The following CELF4 variants were observed in gnomAD, a reference collection of about 807,000 sequenced individuals.
CELF4 encodes CUGBP Elav-like family member 4.
CELF4 carries 18 observed loss-of-function variants against 59.9 expected under a neutral mutation model. The observed-to-expected ratio is 0.30, with a 90% CI of 0.21 to 0.45. The LOEUF is 0.45. Ranked by LOEUF, CELF4 falls within the 20% of genes least tolerant of loss-of-function variation. The pLI, the probability that CELF4 is intolerant of heterozygous loss-of-function variation, is 1.00. For synonymous variants in CELF4, 261 were observed against 267.1 expected, an observed-to-expected ratio of 0.98 and a Z score of 0.22; for missense variants, 456 against 689.0, an observed-to-expected ratio of 0.66 and a Z score of 3.79.
chr18:37,464,300 G>A (rs187355322), intron 2 of CELF4, among the ~76,000 whole-genome samples: 207 of 152,282 alleles, frequency 1.4e-3, no homozygotes, highest in Non-Finnish European at 2.0e-3. Flanking sequence ...TGAGTGAAAT[G>A]TAGATCGCAT....
chr18:37,525,972 C>T (rs555459475), intron 1 of CELF4, among the ~76,000 whole-genome samples: 18 of 152,238 alleles, frequency 1.2e-4, no homozygotes, highest in African/African-American at 4.3e-4. Context: ...GAATCAGAAA[C>T]TCTGGGGTGG....
chr18:37,423,087 CAG>C (rs138618926), intron 2 of CELF4, among the ~76,000 whole-genome samples: 110 of 149,626 alleles, frequency 7.4e-4, no homozygotes, highest in Middle Eastern at 6.8e-3. Context: ...CACACAGAGA[CAG>C]AGAGAGAGAG....
intron 2 of CELF4, among the ~76,000 whole-genome samples, chr18:37,464,767 G>C (rs1323819923): frequency 6.6e-6 from 1 of 152,198 alleles, no homozygotes; most frequent in Non-Finnish European, 1.5e-5. Flanking sequence ...TTCACAGGGA[G>C]CAAGGGCCAC....
In CELF4 at chr18:37,270,901, C is replaced by T. The variant is rs771161852; in HGVS notation, c.966G>A (p.Pro322=). The T allele has an allele frequency of 1.2e-5, 20 of 1,609,124 alleles. No homozygotes were observed. The highest frequency in any genetic ancestry group is 4.0e-5 in the African/African-American group (3 of 74,838). ...MTPTSGGSTP[P]GITAPAVPSI... is the part of the protein sequence containing the mutation. ...TAGGCACGGCTGGTGCAGTGATGCC[C>T]GGAGGGGTGCTGCCACCTGGTTCCA... Residue 322 remains proline (P), a synonymous_variant, in exon 8 of 13, where the codon CCG becomes CCA. Transcript: ENST00000420428.
In CELF4 at chr18:37,498,586, T is replaced by G. The variant is rs114707499; in HGVS notation, c.287-12979A>C. Among the ~76,000 whole-genome samples the G allele has an allele frequency of 8.3e-3, 1,258 of 151,820 alleles. 12 individuals are homozygous for G. The highest frequency in any genetic ancestry group is 0.029 in the African/African-American group (1,207 of 41,344). On this transcript the variant is annotated intron_variant, in intron 1 of 12. Coordinates refer to ENST00000420428, the MANE Select transcript of CELF4 (RefSeq NM_020180.4). ...TCTCATGACTAGCACCTATATTATC[T>G]CTTGTCCACCTATTTAATTTTCCCC...
intron 2 of CELF4, among the ~76,000 whole-genome samples, chr18:37,343,519 G>T (rs1299723474): frequency 1.3e-5 from 2 of 152,150 alleles, no homozygotes; most frequent in South Asian, 4.2e-4. Context: ...GCCAGGCTCG[G>T]CTTTGTGTTC....
chr18:37,518,192 C>A (rs948973654), intron 1 of CELF4, among the ~76,000 whole-genome samples: 3 of 152,188 alleles, frequency 2.0e-5, no homozygotes, highest in African/African-American at 7.2e-5. Context: ...TCCTCCCTGG[C>A]TTCTCACTGC....
intron 1 of CELF4, among the ~76,000 whole-genome samples, chr18:37,512,741 C>T (rs1284542945): frequency 6.6e-6 from 1 of 150,684 alleles, no homozygotes; most frequent in Non-Finnish European, 1.5e-5. Flanking sequence ...CTTTCTCCTT[C>T]TTCCCTCCTG....
In CELF4 at chr18:37,436,207, C is replaced by T. The variant is rs569666617; in HGVS notation, c.369+49318G>A. 4.2e-4 allele frequency among the ~76,000 whole-genome samples: 64 copies of T among 152,284 alleles called. 1 individual carries two copies. In the South Asian group the frequency reaches 0.011, roughly 26 times the overall value. ...GGCGCTGGCTCGCTTAAGAGAAGAGCGTGGCTCAACTCTCCAGCACTGTAT... is the reference window on the plus strand; with the variant it reads ...GGCGCTGGCTCGCTTAAGAGAAGAGTGTGGCTCAACTCTCCAGCACTGTAT... On this transcript the variant is annotated intron_variant, in intron 2 of 12. Transcript: ENST00000420428.
intron 2 of CELF4, among the ~76,000 whole-genome samples, chr18:37,458,294 C>G (rs1480388806): frequency 6.6e-6 from 1 of 152,134 alleles, no homozygotes; most frequent in Admixed American, 6.5e-5. Context: ...TAGCACCACC[C>G]CTGAGTTTTC....
At chr18:37,260,834 C>T (rs1191059621) in intron 10 of CELF4, among the ~76,000 whole-genome samples, 7 of 152,162 alleles carry the variant, frequency 4.6e-5, no homozygotes, top group Admixed American at 4.6e-4. Flanking sequence ...CTCTGCCCAC[C>T]CCAGCCCTTC....
At chr18:37,518,697 G>A (rs901909724) in intron 1 of CELF4, among the ~76,000 whole-genome samples, 2 of 152,176 alleles carry the variant, frequency 1.3e-5, no homozygotes, top group Non-Finnish European at 2.9e-5. Context: ...GCTGGGGTTG[G>A]AGTGTGATTT....
intron 2 of CELF4, among the ~76,000 whole-genome samples, chr18:37,381,153 T>TCCATCCAC (rs2099036111): frequency 1.3e-5 from 2 of 150,118 alleles, no homozygotes; most frequent in African/African-American, 5.0e-5. Context: ...CATCCATCCA[T>TCCATCCAC]CCACCTACCA....
chr18:37,331,394 G>A (rs762892336), intron 2 of CELF4, among the ~76,000 whole-genome samples: 7 of 152,218 alleles, frequency 4.6e-5, no homozygotes, highest in African/African-American at 9.6e-5. Context: ...TCCAGTCATC[G>A]CCTCTGGACT....
intron 3 of CELF4, among the ~76,000 whole-genome samples, chr18:37,278,782 A>T (rs906139382): frequency 6.6e-6 from 1 of 152,160 alleles, no homozygotes; most frequent in African/African-American, 2.4e-5. Context: ...GAGGAGCCAC[A>T]TCTTATGATG....
Position 37,253,109 on chromosome 18 carries a change from C to A in CELF4, c.*44+658G>T, listed in dbSNP as rs886340662. On this transcript the variant is annotated intron_variant, in intron 12 of 12. Coordinates refer to ENST00000420428, the MANE Select transcript of CELF4 (RefSeq NM_020180.4). This position sits in a 1 kb window ranked among gnomAD's most constrained non-coding sequence, Gnocchi z 4.5. ...TCTTCAGCTCCTAGGCAGGACCCAG[C>A]CCAGCAGAAAAGGTAACAACGACCA... Among the ~76,000 whole-genome samples, 21 of 152,136 alleles carry A rather than the reference C, an allele frequency of 1.4e-4. No individual in the cohort carries two copies. The highest frequency in any genetic ancestry group is 4.8e-4 in the African/African-American group (20 of 41,422).
rs768110414 is a variant in CELF4, at chr18:37,266,520, C to A, written c.1165+13G>T. 4 of 1,586,242 alleles carry A rather than the reference C, an allele frequency of 2.5e-6. No homozygotes were observed. The highest frequency in any genetic ancestry group is 3.4e-6 in the Non-Finnish European group (4 of 1,167,534). ...AGTTGGGGAAGGAGCCGTGGGGACG[C>A]GTGGATACTAACGACCTGCATACTG... On this transcript the variant is annotated intron_variant, in intron 9 of 12. Transcript: ENST00000420428.
chr18:37,362,909 C>T (rs924641383), intron 2 of CELF4, among the ~76,000 whole-genome samples: 1 of 152,164 alleles, frequency 6.6e-6, no homozygotes, highest in South Asian at 2.1e-4. Context: ...AGGTCTGGAC[C>T]AGAGAGATGC....
chr18:37,293,002 T>TGGTTCAGGTGCCAAAA (rs1220330693), intron 3 of CELF4, among the ~76,000 whole-genome samples: 1 of 152,202 alleles, frequency 6.6e-6, no homozygotes, highest in African/African-American at 2.4e-5. Context: ...CTCAGGGCTG[T>TGGTTCAGGTGCCAAAA]CTGATGGCAG....
Sources: gnomAD v4.1 joint callset for allele counts (sites outside exome capture counted in the v4.1 genomes callset) on GRCh38, gnomAD v4.1.1 for gene constraint, Gnocchi (gnomAD v3.1) non-coding constraint, MANE v1.5 for transcripts, NCBI Gene and HGNC (gene_info 2026-07-23, HGNC 2026-07-21) for gene names.